ZBTB44: variants seen among roughly 807,000 people sequenced by gnomAD.
ZBTB44 encodes the protein zinc finger and BTB domain-containing protein 44.
In ZBTB44, 15 loss-of-function variants were observed where a neutral mutation model predicts 54.0. That is an observed-to-expected ratio of 0.28 (90% confidence interval 0.19 to 0.43). The LOEUF is 0.43. Ranked by LOEUF, ZBTB44 falls within the 20% of genes least tolerant of loss-of-function variation. The pLI is 1.00. For missense variants in ZBTB44, 487 were observed against 707.1 expected, an observed-to-expected ratio of 0.69 and a Z score of 3.53; for synonymous variants, 230 against 250.1, an observed-to-expected ratio of 0.92 and a Z score of 0.76.
chr11:130,287,592 TG>T (rs1196235530), intron 1 of ZBTB44, among the ~76,000 whole-genome samples: 1 of 152,178 alleles, frequency 6.6e-6, no homozygotes, highest in Non-Finnish European at 1.5e-5. Context: ...CTCCCATAAA[TG>T]GGATCAATAT....
intron 1 of ZBTB44, chr11:130,296,443 C>T: frequency 7.9e-7 from 1 of 1,261,916 alleles, no homozygotes; most frequent in East Asian, 2.3e-5. Flanking sequence ...AAATGTACGA[C>T]CACATTCTTC....
chr11:130,285,066 T>C (rs1940850799), intron 1 of ZBTB44: 1 of 162,188 alleles, frequency 6.2e-6, no homozygotes, highest in Admixed American at 6.5e-5. Context: ...GGATTCTGGC[T>C]GAAAGGTTTT....
intron 1 of ZBTB44, among the ~76,000 whole-genome samples, chr11:130,262,132 G>GT (rs760826674): frequency 9.3e-5 from 14 of 151,158 alleles, no homozygotes; most frequent in African/African-American, 1.5e-4. Context: ...GTGAACCAAT[G>GT]TTTTTTTTTG....
chr11:130,297,803 C>A (rs1046632337), intron 1 of ZBTB44, among the ~76,000 whole-genome samples: 1 of 152,288 alleles, frequency 6.6e-6, no homozygotes, highest in East Asian at 1.9e-4. Flanking sequence ...CCACCTACTT[C>A]GTCATAGTTT....
rs538429648 is a variant in ZBTB44 at position 130,270,124 on chromosome 11, G to C, written c.-56-8195C>G. Among the ~76,000 whole-genome samples the C allele has an allele frequency of 3.9e-5, 6 of 152,296 alleles. No homozygotes were observed. The East Asian group carries it at 1.2e-3, about 29-fold the overall frequency. On this transcript the variant is annotated intron_variant, in intron 1 of 7. Coordinates refer to ENST00000357899, the MANE Select transcript of ZBTB44 (RefSeq NM_001301098.2). ...AGTAATGAGACTGTTAACCTTGGAA[G>C]TAATTTTAGTTGGATGGGAAAAGTT...
At chr11:130,244,838 G>C (rs1182623160) in intron 2 of ZBTB44, among the ~76,000 whole-genome samples, 1 of 152,064 alleles carries the variant, frequency 6.6e-6, no homozygotes, top group African/African-American at 2.4e-5. Context: ...TGGAACACTT[G>C]AATTGCTGTC....
chr11:130,260,916 C>A lies in ZBTB44; in HGVS notation c.958G>T (p.Val320Phe), dbSNP rs1229416444. The A allele has an allele frequency of 1.2e-6, 2 of 1,613,896 alleles. No individual in the cohort carries two copies. The highest frequency in any genetic ancestry group is 2.7e-5 in the African/African-American group (2 of 74,930). Residue 320 changes from valine (V) to phenylalanine (F), a missense_variant, in exon 2 of 8, where the codon GTT becomes TTT. By Grantham distance (50) the Val-to-Phe change is conservative. Transcript: ENST00000357899. Reference sequence around the variant, plus strand: ...TCTTGGACTTGTTCACTTCCTGGAACTGTCTGCTGATCACTCAGCGAACTC... The same window carrying A: ...TCTTGGACTTGTTCACTTCCTGGAAATGTCTGCTGATCACTCAGCGAACTC... ...SQSSLSDQQT[V>F]PGSEQVQEDL...
chr11:130,238,525 C>T lies in ZBTB44; in HGVS notation c.1186G>A (p.Asp396Asn), dbSNP rs1033666350. ...CAGGTTGGACACTGAAAAGGTCTGT[C>T]GGGACCATTTGGACTTGGTCGCTCT... ...STERPSPNGP[D>N]RPFQCPTCGV... The change falls in exon 4 of 8, where the codon GAC becomes AAC. Residue 396 changes from aspartate to asparagine, a missense_variant. Around this residue, in one of 3 missense-constraint regions of ZBTB44, gnomAD observed 120 missense variants for 240.3 expected, o/e 0.50. Coordinates refer to ENST00000357899, the MANE Select transcript of ZBTB44 (RefSeq NM_001301098.2). 64 of 1,611,986 alleles carry T rather than the reference C, an allele frequency of 4.0e-5. No homozygotes were observed. The highest frequency in any genetic ancestry group is 1.6e-4 in the Middle Eastern group (1 of 6,084).
chr11:130,279,253 T>C (rs1387894572), intron 1 of ZBTB44, among the ~76,000 whole-genome samples: 1 of 151,394 alleles, frequency 6.6e-6, no homozygotes, highest in Non-Finnish European at 1.5e-5. Context: ...TACAGTGATA[T>C]TCTAGCTCTT....
chr11:130,263,588 T>C (rs376788864), intron 1 of ZBTB44, among the ~76,000 whole-genome samples: 15 of 152,316 alleles, frequency 9.8e-5, no homozygotes, highest in African/African-American at 3.1e-4. Context: ...TTGGAAGACA[T>C]GTGCATCGGA....
rs1057396178 is a variant in ZBTB44 at position 130,230,269 on chromosome 11, G to C, written c.*1495C>G. On this transcript the variant is annotated 3_prime_UTR_variant, in exon 8 of 8. Coordinates refer to ENST00000357899, the MANE Select transcript of ZBTB44 (RefSeq NM_001301098.2). Reference sequence around the variant, plus strand: ...TGAAAGATTTAATACAGCTTCCAAAGGCTCCCAAGAGAACCATTTATAAAC... The same window carrying C: ...TGAAAGATTTAATACAGCTTCCAAACGCTCCCAAGAGAACCATTTATAAAC... 1 of 151,890 alleles carries C rather than the reference G, an allele frequency of 6.6e-6. No homozygotes were observed. Among genetic ancestry groups the C allele is most frequent in the Non-Finnish European group, 1.5e-5 (1 of 67,878 alleles). 9.4% of individuals were successfully genotyped at this position (151,890 alleles called of 1,614,324 possible). A position where few individuals can be genotyped will look rare whatever the true frequency, so the allele number is the denominator to read the frequency against.
chr11:130,297,965 A>G (rs1315698388), intron 1 of ZBTB44, among the ~76,000 whole-genome samples: 1 of 152,238 alleles, frequency 6.6e-6, no homozygotes, highest in East Asian at 1.9e-4. Flanking sequence ...CAGATATGGA[A>G]GAACATATAT....
chr11:130,295,990 C>T, intron 1 of ZBTB44: 1 of 1,550,104 alleles, frequency 6.5e-7, no homozygotes, highest in Non-Finnish European at 8.9e-7. Flanking sequence ...TCTGCTGTAT[C>T]ATATGCAGAA....
intron 1 of ZBTB44, among the ~76,000 whole-genome samples, chr11:130,270,087 G>C (rs931073199): frequency 2.6e-5 from 4 of 152,200 alleles, no homozygotes; most frequent in African/African-American, 7.2e-5. Flanking sequence ...TGCTTAACAT[G>C]ATGAAAGAGA....
rs1459532861 is a variant in ZBTB44 at position 130,228,724 on chromosome 11, G to A, written c.*3040C>T. On this transcript the variant is annotated 3_prime_UTR_variant, in exon 8 of 8. Transcript: ENST00000357899. ...TTTTTCATCTGTTTTATTGAATAATGAAATCTAAATGTGGCTAGATTGGCA... is the reference window on the plus strand; with the variant it reads ...TTTTTCATCTGTTTTATTGAATAATAAAATCTAAATGTGGCTAGATTGGCA... 1 of 152,268 alleles carries A rather than the reference G, an allele frequency of 6.6e-6. No homozygotes were observed. Among genetic ancestry groups the A allele is most frequent in the South Asian group, 2.1e-4 (1 of 4,826 alleles). 9.4% of individuals were successfully genotyped at this position (152,268 alleles called of 1,614,324 possible).
intron 4 of ZBTB44, among the ~76,000 whole-genome samples, chr11:130,237,818 A>T (rs1259638805): frequency 3.9e-5 from 6 of 152,190 alleles, no homozygotes; most frequent in Admixed American, 3.3e-4. Flanking sequence ...GCAGCTGAAA[A>T]CAGCAGCAAA....
chr11:130,296,303 A>G (rs781600237), intron 1 of ZBTB44: 369 of 1,510,732 alleles, frequency 2.4e-4, no homozygotes, highest in Non-Finnish European at 3.1e-4. Flanking sequence ...TGCTCTTTAC[A>G]TTCCTTAAGA....
chr11:130,282,330 TCA>T (rs1424614794), intron 1 of ZBTB44, among the ~76,000 whole-genome samples: 2 of 152,202 alleles, frequency 1.3e-5, no homozygotes, highest in Non-Finnish European at 2.9e-5. Context: ...GTTCCTGTAG[TCA>T]CTGTTCTACT....
chr11:130,292,222 C>A (rs1341539699), intron 1 of ZBTB44, among the ~76,000 whole-genome samples: 2 of 152,192 alleles, frequency 1.3e-5, no homozygotes, highest in Non-Finnish European at 2.9e-5. Flanking sequence ...CCGCTATGCA[C>A]ATTTGTGTAC....
Sources: gnomAD v4.1 joint callset for allele counts (sites outside exome capture counted in the v4.1 genomes callset) on GRCh38, gnomAD v4.1.1 for gene constraint, gnomAD v4.1.1 regional missense constraint, MANE v1.5 for transcripts, NCBI Gene and HGNC (gene_info 2026-07-23, HGNC 2026-07-21) for gene names.